XRCC4: variants seen among roughly 807,000 people sequenced by gnomAD.
XRCC4 encodes X-ray repair cross complementing 4, also known as DNA repair protein XRCC4.
A neutral mutation model predicts 39.1 loss-of-function variants in XRCC4; 28 were observed. That is an observed-to-expected ratio of 0.72 (90% CI 0.53 to 0.98). The LOEUF (loss-of-function observed/expected upper bound fraction) is 0.98, where lower values mean the gene tolerates loss of function less well. Among genes scored for constraint, XRCC4 ranks in the 50% least tolerant of loss-of-function variants. The pLI, the probability that XRCC4 is intolerant of heterozygous loss-of-function variation, is 0.00. For missense variants in XRCC4, 350 were observed against 376.4 expected (o/e 0.93, Z 0.58); for synonymous variants, 123 against 126.4 (o/e 0.97, Z 0.18).
intron 7 of XRCC4, among the ~76,000 whole-genome samples, chr5:83,344,962 A>T (rs1214220366): frequency 6.6e-6 from 1 of 152,154 alleles, no homozygotes; most frequent in Non-Finnish European, 1.5e-5. Flanking sequence ...AAAATATTTC[A>T]CACTGGCTTT....
At chr5:83,237,223 G>T (rs1316857529) in intron 6 of XRCC4, among the ~76,000 whole-genome samples, 1 of 152,046 alleles carries the variant, frequency 6.6e-6, no homozygotes, top group East Asian at 1.9e-4. Context: ...ATACCTAAAA[G>T]AAAATAAATC....
chr5:83,102,510 C>T (rs996769934), intron 1 of XRCC4, among the ~76,000 whole-genome samples: 3 of 152,004 alleles, frequency 2.0e-5, no homozygotes, highest in African/African-American at 7.2e-5. Context: ...CAGACATATC[C>T]AGAAGTCAGC....
chr5:83,270,386 T>C (rs1754099329), intron 7 of XRCC4, among the ~76,000 whole-genome samples: 1 of 152,170 alleles, frequency 6.6e-6, no homozygotes, highest in African/African-American at 2.4e-5. Flanking sequence ...CTAGCTCTAC[T>C]CCATTTGTCA....
At position 83,262,315 on chromosome 5, in the gene XRCC4, A is replaced by C. The variant is rs1238286993; in HGVS notation, c.893+3638A>C. 2.0e-5 allele frequency among the ~76,000 whole-genome samples: 3 copies of C among 152,274 alleles called. No homozygotes were observed. In the East Asian group the frequency reaches 5.8e-4, roughly 29 times the overall value. ...TTTTGAGAGACAAAGATATACACAAATAGTTTTGTGCAGAGCGAAGGGAGT... is the reference window on the plus strand; with the variant it reads ...TTTTGAGAGACAAAGATATACACAACTAGTTTTGTGCAGAGCGAAGGGAGT... On this transcript the variant is annotated intron_variant, in intron 7 of 7. Transcript: ENST00000396027.
intron 3 of XRCC4, among the ~76,000 whole-genome samples, chr5:83,121,741 A>G (rs566066256): frequency 1.1e-3 from 170 of 152,200 alleles, no homozygotes; most frequent in African/African-American, 3.9e-3. Flanking sequence ...TTTATTAATC[A>G]TGCTTTGAGA....
the XRCC4 span, among the ~76,000 whole-genome samples, chr5:83,371,854 AC>A: frequency 1.1e-4 from 16 of 152,344 alleles, no homozygotes; most frequent in African/African-American, 3.6e-4. Context: ...AGGCAGACAC[AC>A]ACAAAAAAGG....
At chr5:83,201,967 A>G (rs889960450) in intron 4 of XRCC4, 2 of 151,754 alleles carry the variant, frequency 1.3e-5, no homozygotes, top group African/African-American at 2.4e-5. Context: ...GCTTGAAACC[A>G]GAAGGCAGAG....
In XRCC4 at chr5:83,285,486, G is replaced by A. The variant is rs540406863; in HGVS notation, c.893+26809G>A. Among the ~76,000 whole-genome samples, 113 of 152,260 alleles carry A rather than the reference G, an allele frequency of 7.4e-4. 1 individual carries two copies. The South Asian group carries it at 0.023, about 31-fold the overall frequency. On this transcript the variant is annotated intron_variant, in intron 7 of 7. Transcript: ENST00000396027. ...GGATAGAGAGGTACATGGAAGAGTC[G>A]CTGCTGTTTCATGAATAAAAACAGG...
Position 83,306,542 on chromosome 5 carries a change from GATGTT to G in XRCC4, c.894-46582_894-46578del, listed in dbSNP as rs756211312. Reference sequence around the variant, plus strand: ...GACTTTTAAAGCACCAAATAATTAAGATGTTATGTTAACATGAATAATTTCATAAG... The same window carrying G: ...GACTTTTAAAGCACCAAATAATTAAGATGTTAACATGAATAATTTCATAAG... On this transcript the variant is annotated intron_variant, in intron 7 of 7. Transcript: ENST00000396027. Among the ~76,000 whole-genome samples the G allele has an allele frequency of 2.2e-3, 339 of 152,040 alleles. 1 individual carries two copies. Among genetic ancestry groups the G allele is most frequent in the Non-Finnish European group, 3.9e-3 (265 of 67,952 alleles).
the XRCC4 span, among the ~76,000 whole-genome samples, chr5:83,368,625 G>T: frequency 6.6e-6 from 1 of 152,194 alleles, no homozygotes; most frequent in Non-Finnish European, 1.5e-5. Context: ...CTATTGGGAA[G>T]TTGGCTGTGC....
At chr5:83,216,300 A>G (rs968248450) in intron 6 of XRCC4, among the ~76,000 whole-genome samples, 13 of 152,228 alleles carry the variant, frequency 8.5e-5, no homozygotes, top group African/African-American at 2.7e-4. Flanking sequence ...ATATAATCTA[A>G]AAGTTAGAAA....
chr5:83,310,125 G>A (rs149117240), intron 7 of XRCC4, among the ~76,000 whole-genome samples: 246 of 152,234 alleles, frequency 1.6e-3, no homozygotes, highest in African/African-American at 5.4e-3. Flanking sequence ...TATCTTATGC[G>A]GTAAAGGCAT....
intron 1 of XRCC4, among the ~76,000 whole-genome samples, chr5:83,097,889 G>A (rs1457734969): frequency 1.3e-5 from 2 of 152,080 alleles, no homozygotes; most frequent in Non-Finnish European, 2.9e-5. Context: ...GCCGCTCAAT[G>A]AATATGAAGG....
At chr5:83,254,840 G>T (rs1466691774) in intron 6 of XRCC4, among the ~76,000 whole-genome samples, 1 of 151,952 alleles carries the variant, frequency 6.6e-6, no homozygotes, top group Non-Finnish European at 1.5e-5. Context: ...TAATCCCAGC[G>T]CTTTGGGAGG....
intron 6 of XRCC4, among the ~76,000 whole-genome samples, chr5:83,214,088 C>T (rs1751755033): frequency 6.6e-6 from 1 of 152,064 alleles, no homozygotes; most frequent in Non-Finnish European, 1.5e-5. Flanking sequence ...GGCAAAAGAC[C>T]ACAGCTGTCA....
chr5:83,125,717 G>C (rs1170904551), intron 3 of XRCC4, among the ~76,000 whole-genome samples: 1 of 148,548 alleles, frequency 6.7e-6, no homozygotes, highest in Non-Finnish European at 1.5e-5. Context: ...TGGGCTGGGC[G>C]TCGTGGCACA....
intron 4 of XRCC4, among the ~76,000 whole-genome samples, chr5:83,197,941 A>G (rs1286413617): frequency 6.6e-6 from 1 of 152,170 alleles, no homozygotes; most frequent in Non-Finnish European, 1.5e-5. Flanking sequence ...TTCAGAGGAC[A>G]GAGGCCACTT....
intron 6 of XRCC4, among the ~76,000 whole-genome samples, chr5:83,244,029 A>G (rs1753008718): frequency 6.6e-6 from 1 of 152,230 alleles, no homozygotes; most frequent in African/African-American, 2.4e-5. Flanking sequence ...TATCTTTCAA[A>G]TATAATGTGC....
intron 7 of XRCC4, among the ~76,000 whole-genome samples, chr5:83,295,123 C>T (rs1755049553): frequency 6.6e-6 from 1 of 151,784 alleles, no homozygotes. Context: ...AAAAGGATTC[C>T]TTCTTAAATC....
Sources: allele counts gnomAD v4.1 joint callset (sites outside exome capture counted in the v4.1 genomes callset), GRCh38; gene constraint gnomAD v4.1.1; transcripts MANE v1.5; gene names NCBI Gene and HGNC (gene_info 2026-07-23, HGNC 2026-07-21).